ASIC2: variants seen among roughly 807,000 people sequenced by gnomAD.
ASIC2 encodes acid-sensing ion channel 2.
A neutral mutation model predicts 57.3 loss-of-function variants in ASIC2; 25 were observed. That is an observed-to-expected ratio of 0.44 (90% CI 0.32 to 0.61). The LOEUF is 0.61. Among genes scored for constraint, ASIC2 ranks in the 20% least tolerant of loss-of-function variants. ASIC2 has a pLI of 0.06. For synonymous variants in ASIC2, 319 were observed against 307.5 expected (o/e 1.04, Z -0.39); for missense variants, 641 against 738.1 (o/e 0.87, Z 1.52).
chr17:34,113,274 A>C (rs1456233156), intron 1 of ASIC2, among the ~76,000 whole-genome samples: 1 of 152,180 alleles, frequency 6.6e-6, no homozygotes, highest in African/African-American at 2.4e-5. Flanking sequence ...AGTGTCAAGT[A>C]TGTGTCAAGA....
intron 1 of ASIC2, among the ~76,000 whole-genome samples, chr17:33,370,016 C>T (rs1979909): frequency 1.8e-4 from 27 of 152,142 alleles, no homozygotes; most frequent in African/African-American, 6.3e-4. Context: ...CTGAGGTCCT[C>T]GGGGCATGCA....
chr17:33,297,867 T>TA (rs201139006), upstream of ASIC2, among the ~76,000 whole-genome samples: 304 of 138,058 alleles, frequency 2.2e-3, 2 homozygotes, highest in African/African-American at 7.4e-3. Flanking sequence ...AATAAATAAA[T>TA]AATAAAGTTT....
At chr17:33,223,889 C>G (rs1357015168) in intron 1 of ASIC2, among the ~76,000 whole-genome samples, 1 of 152,182 alleles carries the variant, frequency 6.6e-6, no homozygotes, top group Non-Finnish European at 1.5e-5. Context: ...TAGACTCTGT[C>G]TTAGAGGGAC....
At chr17:34,040,416 T>C (rs866963944) in intron 1 of ASIC2, among the ~76,000 whole-genome samples, 1 of 19,850 alleles carries the variant, frequency 5.0e-5, no homozygotes, top group Non-Finnish European at 9.5e-5. Context: ...TCCTGGGGGG[T>C]GGGGGAAGCG....
At chr17:33,486,130 C>T (rs1913567788) in intron 1 of ASIC2, among the ~76,000 whole-genome samples, 1 of 152,230 alleles carries the variant, frequency 6.6e-6, no homozygotes, top group Admixed American at 6.5e-5. Context: ...TAGAACGTCT[C>T]TCATCATCTT....
chr17:33,425,609 C>T (rs1030520683), intron 1 of ASIC2, among the ~76,000 whole-genome samples: 2 of 151,808 alleles, frequency 1.3e-5, no homozygotes, highest in African/African-American at 4.8e-5. Flanking sequence ...GTTTGAGCCT[C>T]GAAGGATGAG....
chr17:33,650,399 C>G (rs1906881305), intron 1 of ASIC2, among the ~76,000 whole-genome samples: 1 of 152,180 alleles, frequency 6.6e-6, no homozygotes, highest in Non-Finnish European at 1.5e-5. Flanking sequence ...TAAAATGACA[C>G]AGCTACCCTG....
At chr17:33,748,548 A>G (rs1046149992) in intron 1 of ASIC2, among the ~76,000 whole-genome samples, 5 of 152,126 alleles carry the variant, frequency 3.3e-5, no homozygotes, top group Non-Finnish European at 7.4e-5. Flanking sequence ...CCAGACCCCA[A>G]TTCACTAACT....
chr17:34,104,848 A>G (rs1910987909), intron 1 of ASIC2, among the ~76,000 whole-genome samples: 1 of 152,050 alleles, frequency 6.6e-6, no homozygotes, highest in Admixed American at 6.6e-5. Context: ...TATATTTCTG[A>G]AAAATATTTT....
chr17:33,757,992 T>C (rs557422511), intron 1 of ASIC2, among the ~76,000 whole-genome samples: 2 of 152,232 alleles, frequency 1.3e-5, no homozygotes, highest in African/African-American at 2.4e-5. Flanking sequence ...CCCTCTCAGA[T>C]AGCTTGAGAA....
intron 1 of ASIC2, among the ~76,000 whole-genome samples, chr17:34,138,548 ACTTT>A (rs1400537903): frequency 6.6e-6 from 1 of 152,194 alleles, no homozygotes; most frequent in African/African-American, 2.4e-5. Context: ...TACACTGGAC[ACTTT>A]CTGAGCTGCC....
chr17:33,534,419 C>T (rs1387106642), intron 1 of ASIC2: 1 of 152,170 alleles, frequency 6.6e-6, no homozygotes, highest in African/African-American at 2.4e-5. Flanking sequence ...GCAGTATGTG[C>T]TGATTGCCAA....
At chr17:33,302,455 G>A (rs1905999449) in intron 1 of ASIC2, among the ~76,000 whole-genome samples, 1 of 152,096 alleles carries the variant, frequency 6.6e-6, no homozygotes. Context: ...CTGCTTCAGG[G>A]AGCACTCACT....
At chr17:33,349,825 G>A (rs1908086864) in intron 1 of ASIC2, among the ~76,000 whole-genome samples, 1 of 152,086 alleles carries the variant, frequency 6.6e-6, no homozygotes, top group Non-Finnish European at 1.5e-5. Context: ...TTTCCCATTA[G>A]CATTTATTCC....
intron 1 of ASIC2, among the ~76,000 whole-genome samples, chr17:33,809,055 T>G (rs1022165067): frequency 2.0e-5 from 3 of 152,252 alleles, no homozygotes; most frequent in Admixed American, 6.5e-5. Context: ...TCTCTGCTAC[T>G]CTGGGATCAG....
At chr17:33,209,966 G>T (rs1205473128) in intron 1 of ASIC2, among the ~76,000 whole-genome samples, 1 of 152,124 alleles carries the variant, frequency 6.6e-6, no homozygotes, top group Admixed American at 6.5e-5. Flanking sequence ...GTCTGTTTTG[G>T]TCTTGAGCAC....
At chr17:33,579,602 G>C (rs757793155) in intron 1 of ASIC2, among the ~76,000 whole-genome samples, 21 of 151,700 alleles carry the variant, frequency 1.4e-4, no homozygotes, top group Non-Finnish European at 5.9e-5. Context: ...ATGGTGTGTC[G>C]GGAGTTTGTT....
intron 1 of ASIC2, among the ~76,000 whole-genome samples, chr17:33,466,992 A>T (rs1171967551): frequency 6.6e-6 from 1 of 152,246 alleles, no homozygotes; most frequent in Non-Finnish European, 1.5e-5. Context: ...AAATAGACAA[A>T]TGGGATCTGA....
Position 33,851,329 on chromosome 17 carries a change from T to C in ASIC2, c.555+304649A>G, listed in dbSNP as rs975348719. On this transcript the variant is annotated intron_variant, in intron 1 of 9. Coordinates refer to the ASIC2 transcript ENST00000359872. ...ACCACCCAAGAGGACAGGGTTGATGTATTAAAGACCATGAGGCTGGGGGCA... is the reference window on the plus strand; with the variant it reads ...ACCACCCAAGAGGACAGGGTTGATGCATTAAAGACCATGAGGCTGGGGGCA... 3.3e-5 allele frequency among the ~76,000 whole-genome samples: 5 copies of C among 151,886 alleles called. No individual in the cohort carries two copies. The South Asian group carries it at 1.0e-3, about 32-fold the overall frequency.
Sources: allele counts gnomAD v4.1 joint callset (sites outside exome capture counted in the v4.1 genomes callset), GRCh38; gene constraint gnomAD v4.1.1; transcripts MANE v1.5; gene names NCBI Gene and HGNC (gene_info 2026-07-23, HGNC 2026-07-21).